GPR137B: variants seen among roughly 807,000 people sequenced by gnomAD.
GPR137B encodes integral membrane protein GPR137B.
In GPR137B, 42 loss-of-function variants were observed where a neutral mutation model predicts 42.5. The ratio of observed to expected loss-of-function variants is 0.99; its 90% confidence interval spans 0.77 to 1.28. The LOEUF (loss-of-function observed/expected upper bound fraction) is 1.28, where lower values mean the gene tolerates loss of function less well. Ranked by LOEUF, GPR137B falls within the 50% of genes most tolerant of loss-of-function variation. The pLI is 0.00. For missense variants in GPR137B, 487 were observed against 493.9 expected (o/e 0.99, Z 0.13); for synonymous variants, 218 against 209.7 (o/e 1.04, Z -0.34).
At chr1:236,143,926 T>G (rs1661609299) in intron 1 of GPR137B, among the ~76,000 whole-genome samples, 1 of 152,178 alleles carries the variant, frequency 6.6e-6, no homozygotes, top group African/African-American at 2.4e-5. Flanking sequence ...GTCATCATCA[T>G]CTCTGATTCC....
intron 5 of GPR137B, among the ~76,000 whole-genome samples, chr1:236,190,262 T>C (rs1375736245): frequency 7.5e-6 from 1 of 132,754 alleles, no homozygotes; most frequent in Non-Finnish European, 1.6e-5. Flanking sequence ...TACAGCATAG[T>C]GATGGGTCTT....
At chr1:236,205,432 GT>G (rs1349471981) in intron 6 of GPR137B, among the ~76,000 whole-genome samples, 182 bp downstream of exon 6, 1 of 152,130 alleles carries the variant, frequency 6.6e-6, no homozygotes, top group Non-Finnish European at 1.5e-5. Flanking sequence ...AGGACATCCG[GT>G]TTTTTTAAAG....
At chr1:236,167,738 G>A (rs990907408) in intron 1 of GPR137B, among the ~76,000 whole-genome samples, 2 of 152,136 alleles carry the variant, frequency 1.3e-5, no homozygotes, top group African/African-American at 4.8e-5. Context: ...CTAGTCCCCA[G>A]AGACCCCCCA....
At chr1:236,177,197 G>T (rs980049403) in intron 2 of GPR137B, among the ~76,000 whole-genome samples, 12 of 152,102 alleles carry the variant, frequency 7.9e-5, no homozygotes, top group Non-Finnish European at 1.6e-4. Flanking sequence ...GTAAGTGGGG[G>T]GTTGTTATGT....
At chr1:236,173,366 CGAA>C (rs1335758332) in intron 2 of GPR137B, among the ~76,000 whole-genome samples, 2 of 114,400 alleles carry the variant, frequency 1.7e-5, no homozygotes, top group Admixed American at 2.1e-4. Context: ...AAGGAAGAAA[CGAA>C]GGAAGGGAAA....
At chr1:236,182,608 C>A (rs1441974494) in intron 4 of GPR137B, among the ~76,000 whole-genome samples, 1 of 152,018 alleles carries the variant, frequency 6.6e-6, no homozygotes, top group Non-Finnish European at 1.5e-5. Flanking sequence ...ATAACCCAGG[C>A]ATGTTGGCAC....
chr1:236,152,951 G>T (rs918640564), intron 1 of GPR137B, among the ~76,000 whole-genome samples: 1 of 151,930 alleles, frequency 6.6e-6, no homozygotes, highest in African/African-American at 2.4e-5. Flanking sequence ...AGCTACTCAG[G>T]AGGCTGAGGC....
intron 5 of GPR137B, among the ~76,000 whole-genome samples, chr1:236,191,770 T>G (rs1196796461): frequency 6.6e-6 from 1 of 152,174 alleles, no homozygotes; most frequent in Non-Finnish European, 1.5e-5. Flanking sequence ...CAGCCCCTAC[T>G]GGGAGGTATC....
intron 1 of GPR137B, among the ~76,000 whole-genome samples, chr1:236,163,636 G>A (rs112724030): frequency 9.9e-4 from 150 of 152,230 alleles, no homozygotes; most frequent in African/African-American, 3.4e-3. Flanking sequence ...GAGATCTGAT[G>A]GGTTTATCAG....
intron 1 of GPR137B, among the ~76,000 whole-genome samples, chr1:236,147,704 C>T (rs1227505662): frequency 6.6e-6 from 1 of 152,246 alleles, no homozygotes; most frequent in Non-Finnish European, 1.5e-5. Flanking sequence ...ACTCCACCTG[C>T]AAACAGTCCC....
chr1:236,192,687 C>G (rs982298595), intron 5 of GPR137B, among the ~76,000 whole-genome samples: 1 of 152,050 alleles, frequency 6.6e-6, no homozygotes, highest in African/African-American at 2.4e-5. Flanking sequence ...CCAAGCAGTC[C>G]CAGTGAGAAG....
intron 5 of GPR137B, among the ~76,000 whole-genome samples, chr1:236,190,364 T>C (rs1663160025): frequency 6.6e-6 from 1 of 152,204 alleles, no homozygotes; most frequent in East Asian, 1.9e-4. Context: ...GTGAATTTGA[T>C]CCTGACATTA....
chr1:236,156,530 A>G lies in GPR137B; in HGVS notation c.415-12176A>G, dbSNP rs953242938. On this transcript the variant is annotated intron_variant, in intron 1 of 6. Transcript: ENST00000366592. This position sits in a 1 kb window ranked among gnomAD's most constrained non-coding sequence, Gnocchi z 4.8. ...CAGCTGACGTTTGGAAGAAAAGAAC[A>G]TCCTAACGCAGGCATAGAGGCCCCG... 2.6e-5 allele frequency among the ~76,000 whole-genome samples: 4 copies of G among 152,176 alleles called. No homozygotes were observed. The highest frequency in any genetic ancestry group is 9.7e-5 in the African/African-American group (4 of 41,430).
intron 1 of GPR137B, among the ~76,000 whole-genome samples, chr1:236,163,173 T>C (rs376709918): frequency 3.3e-5 from 5 of 152,360 alleles, no homozygotes; most frequent in Middle Eastern, 3.4e-3. Context: ...AAACTTTGAC[T>C]GACCTGCTGG....
intron 2 of GPR137B, among the ~76,000 whole-genome samples, chr1:236,170,039 CAAAAAAA>C (rs11346365): frequency 1.6e-4 from 6 of 36,846 alleles, no homozygotes; most frequent in Admixed American, 8.8e-4. Context: ...GAATCCATCT[CAAAAAAA>C]AAAAAAAAAA....
In GPR137B at chr1:236,150,462, G is replaced by A. The variant is rs892665014; in HGVS notation, c.414+7426G>A. ...AGCCCTCTCCTCGAGCCATGGCAGC[G>A]TGCTCTTCTCTCTGCAGCTGAGGCT... On this transcript the variant is annotated intron_variant, in intron 1 of 6. Transcript: ENST00000366592. This position sits in a 1 kb window ranked among gnomAD's most constrained non-coding sequence, Gnocchi z 6.2. Among the ~76,000 whole-genome samples, 4 of 152,138 alleles carry A rather than the reference G, an allele frequency of 2.6e-5. No homozygotes were observed. The highest frequency in any genetic ancestry group is 2.0e-4 in the Admixed American group (3 of 15,270).
chr1:236,179,291 T>C (rs1558488812), intron 3 of GPR137B, among the ~76,000 whole-genome samples: 2 of 152,228 alleles, frequency 1.3e-5, no homozygotes. Flanking sequence ...TTTTTGGTCA[T>C]GTTAACTATC....
intron 5 of GPR137B, among the ~76,000 whole-genome samples, chr1:236,202,562 G>C (rs1055259251): frequency 1.3e-5 from 2 of 152,010 alleles, no homozygotes; most frequent in African/African-American, 4.8e-5. Flanking sequence ...CTGTCCAAGT[G>C]GGAGCTGCAT....
chr1:236,156,993 G>A lies in GPR137B; in HGVS notation c.415-11713G>A, dbSNP rs1311071139. Among the ~76,000 whole-genome samples, 31 of 152,158 alleles carry A rather than the reference G, an allele frequency of 2.0e-4. No homozygotes were observed. The highest frequency in any genetic ancestry group is 2.9e-5 in the Non-Finnish European group (2 of 68,036). On this transcript the variant is annotated intron_variant, in intron 1 of 6. Coordinates refer to ENST00000366592, the MANE Select transcript of GPR137B (RefSeq NM_003272.4). The surrounding 1 kb of genome is among the most constrained non-coding windows in gnomAD (Gnocchi z 4.8). ...TGAGGACTAATAATACCAACAGCAG[G>A]GGTTGCAGCCACCCACGTGGTACTT...
Sources: gnomAD v4.1 joint callset for allele counts (sites outside exome capture counted in the v4.1 genomes callset) on GRCh38, gnomAD v4.1.1 for gene constraint, Gnocchi (gnomAD v3.1) non-coding constraint, MANE v1.5 for transcripts, NCBI Gene and HGNC (gene_info 2026-07-23, HGNC 2026-07-21) for gene names.